The following SBF2 variants were observed in gnomAD, a reference collection of about 807,000 sequenced individuals.
The protein encoded by SBF2 is SET binding factor 2, also known as myotubularin-related protein 13.
In SBF2, 112 loss-of-function variants were observed where a neutral mutation model predicts 225.2. The observed-to-expected ratio is 0.50, with a 90% CI of 0.43 to 0.58. The LOEUF is 0.58. SBF2 is among the 20% of genes least tolerant of loss of function. The pLI, the probability that SBF2 is intolerant of heterozygous loss-of-function variation, is 0.00. For missense variants in SBF2, 1,996 were observed against 2,206.2 expected (o/e 0.90, Z 1.91); for synonymous variants, 763 against 773.3 (o/e 0.99, Z 0.22).
intron 16 of SBF2, among the ~76,000 whole-genome samples, chr11:9,936,553 CA>C (rs1864911472): frequency 6.6e-6 from 1 of 152,152 alleles, no homozygotes; most frequent in South Asian, 2.1e-4. Flanking sequence ...GGAACCAACC[CA>C]AATGTCCATC....
chr11:10,187,185 A>G (rs1956959167), intron 2 of SBF2, among the ~76,000 whole-genome samples: 1 of 152,150 alleles, frequency 6.6e-6, no homozygotes, highest in Admixed American at 6.5e-5. Flanking sequence ...TACTCTGACG[A>G]CCAACTACTG....
At chr11:9,937,413 T>C (rs752338426) in intron 16 of SBF2, among the ~76,000 whole-genome samples, 13 of 152,094 alleles carry the variant, frequency 8.5e-5, no homozygotes, top group Non-Finnish European at 1.6e-4. Context: ...TGAAAAGCAA[T>C]TGAAAAATAT....
intron 39 of SBF2, among the ~76,000 whole-genome samples, chr11:9,781,084 G>A (rs1851974959): frequency 6.6e-6 from 1 of 152,196 alleles, no homozygotes. Flanking sequence ...AGTGCCCCAT[G>A]GCCTACCTAA....
intron 2 of SBF2, among the ~76,000 whole-genome samples, chr11:10,113,125 C>T (rs1267311298): frequency 6.6e-6 from 1 of 152,106 alleles, no homozygotes; most frequent in Non-Finnish European, 1.5e-5. Context: ...TCCCAAGTAG[C>T]TGGGACCAGA....
chr11:10,006,171 G>A (rs1403494108), intron 6 of SBF2, among the ~76,000 whole-genome samples: 1 of 152,150 alleles, frequency 6.6e-6, no homozygotes, highest in Admixed American at 6.5e-5. Context: ...CGTCCACCTC[G>A]AGGCAAGTCA....
In SBF2 at chr11:9,808,131, A is replaced by T. The variant is rs767325525; in HGVS notation, c.4312T>A (p.Phe1438Ile). The stretch of plus-strand genomic sequence containing the variant: ...CACTCTTTTTCAACCAACATCTGGA[A>T]GCCTTCAAGTGTCCTATAAAAGGGA... ...SDPFYRTLEG[F>I]QMLVEKEWLS... The change falls in exon 32 of 40, where the codon TTC (phenylalanine) becomes ATC (isoleucine). Residue 1438 changes from phenylalanine (F) to isoleucine (I), a missense_variant. Transcript: ENST00000256190. The T allele has an allele frequency of 1.2e-6, 2 of 1,614,190 alleles. No homozygotes were observed. The highest frequency in any genetic ancestry group is 2.2e-5 in the South Asian group (2 of 91,078).
chr11:10,013,190 C>T (rs960261707), intron 6 of SBF2, among the ~76,000 whole-genome samples: 1 of 152,234 alleles, frequency 6.6e-6, no homozygotes, highest in East Asian at 1.9e-4. Context: ...CTAGCCCCAA[C>T]TATGACTGTA....
At chr11:10,179,379 CA>C (rs1317679323) in intron 2 of SBF2, among the ~76,000 whole-genome samples, 4 of 117,948 alleles carry the variant, frequency 3.4e-5, no homozygotes, top group East Asian at 2.2e-4. Context: ...AAAACAAAAA[CA>C]AAAAAACAAA....
At chr11:10,264,604 CT>C (rs1188189001) in intron 1 of SBF2, among the ~76,000 whole-genome samples, 3 of 151,906 alleles carry the variant, frequency 2.0e-5, no homozygotes, top group African/African-American at 7.3e-5. Context: ...TTTTATTATA[CT>C]TTAAGTTCTG....
At chr11:9,788,570 T>C (rs942547432) in intron 35 of SBF2, among the ~76,000 whole-genome samples, 2 of 150,328 alleles carry the variant, frequency 1.3e-5, no homozygotes, top group African/African-American at 4.9e-5. Flanking sequence ...GATTGCTTTC[T>C]TGTAACGCTG....
chr11:9,977,185 A>G (rs1946734184), intron 13 of SBF2, among the ~76,000 whole-genome samples: 2 of 152,104 alleles, frequency 1.3e-5, no homozygotes, highest in South Asian at 2.1e-4. Flanking sequence ...TTATATGTGC[A>G]TATCAAGAAT....
chr11:9,950,149 A>G (rs193101082), intron 16 of SBF2, among the ~76,000 whole-genome samples: 5 of 114,934 alleles, frequency 4.4e-5, no homozygotes, highest in Non-Finnish European at 9.6e-5. Context: ...AGCAGGGATT[A>G]AAAAAAAAAA....
intron 2 of SBF2, among the ~76,000 whole-genome samples, chr11:10,078,875 G>C (rs1951242345): frequency 6.6e-6 from 1 of 152,108 alleles, no homozygotes; most frequent in African/African-American, 2.4e-5. Context: ...CTACTCAGGA[G>C]GACTTGAACC....
At position 9,883,642 on chromosome 11, in the gene SBF2, G is replaced by A. The variant is rs1316242758; in HGVS notation, c.1929+12301C>T. Among the ~76,000 whole-genome samples, 3 of 152,250 alleles carry A rather than the reference G, an allele frequency of 2.0e-5. No individual in the cohort carries two copies. The East Asian group carries it at 5.8e-4, about 29-fold the overall frequency. On this transcript the variant is annotated intron_variant, in intron 17 of 39. Coordinates refer to ENST00000256190, the MANE Select transcript of SBF2 (RefSeq NM_030962.4). ...ATGAGTTATTTTTCCTAAACTCAAT[G>A]ATAATAAATCACAAGTTCCTCAAAG...
At chr11:10,300,735 T>G (rs930405279) in intron 1 of SBF2, among the ~76,000 whole-genome samples, 1 of 152,038 alleles carries the variant, frequency 6.6e-6, no homozygotes, top group Non-Finnish European at 1.5e-5. Flanking sequence ...TCTCTTGAAG[T>G]AATTTCATTT....
intron 2 of SBF2, among the ~76,000 whole-genome samples, chr11:10,076,427 C>T (rs554493165): frequency 5.9e-5 from 9 of 152,328 alleles, no homozygotes; most frequent in Non-Finnish European, 1.2e-4. Context: ...TCTAGTGGGA[C>T]AGGAGCCCCT....
chr11:9,883,276 T>C (rs910759755), intron 17 of SBF2, among the ~76,000 whole-genome samples: 1 of 151,442 alleles, frequency 6.6e-6, no homozygotes, highest in African/African-American at 2.4e-5. Context: ...ATTTCTACCA[T>C]CTATTGCTGT....
At chr11:9,794,562 G>A (rs192731854) in intron 33 of SBF2, among the ~76,000 whole-genome samples, 2 of 151,582 alleles carry the variant, frequency 1.3e-5, no homozygotes, top group Non-Finnish European at 2.9e-5. Context: ...CTACTAGGGA[G>A]GCTGAGGCAG....
intron 1 of SBF2, among the ~76,000 whole-genome samples, chr11:10,194,431 T>C (rs1334270386): frequency 6.6e-6 from 1 of 152,216 alleles, no homozygotes; most frequent in Non-Finnish European, 1.5e-5. Flanking sequence ...CCATGGATTT[T>C]AGTATCCGTG....
Sources: gnomAD v4.1 joint callset for allele counts (sites outside exome capture counted in the v4.1 genomes callset) on GRCh38, gnomAD v4.1.1 for gene constraint, MANE v1.5 for transcripts, NCBI Gene and HGNC (gene_info 2026-07-23, HGNC 2026-07-21) for gene names.